PTPRD: variants seen among roughly 807,000 people sequenced by gnomAD.
PTPRD encodes the protein receptor-type tyrosine-protein phosphatase delta.
A neutral mutation model predicts 214.5 loss-of-function variants in PTPRD; 34 were observed. That is an observed-to-expected ratio of 0.16 (90% CI 0.12 to 0.21). The LOEUF (loss-of-function observed/expected upper bound fraction) is 0.21, where lower values mean the gene tolerates loss of function less well. Ranked by LOEUF, PTPRD falls within the 10% of genes least tolerant of loss-of-function variation. PTPRD has a pLI of 1.00. For synonymous variants in PTPRD, 1,128 were observed against 845.7 expected, an observed-to-expected ratio of 1.33 and a Z score of -5.79; for missense variants, 2,545 against 2,398.7, an observed-to-expected ratio of 1.06 and a Z score of -1.27.
chr9:9,155,387 T>G (rs545020579), intron 10 of PTPRD, among the ~76,000 whole-genome samples: 1 of 152,232 alleles, frequency 6.6e-6, no homozygotes, highest in South Asian at 2.1e-4. Context: ...TAAGAAATGC[T>G]TACACTTGAG....
At chr9:8,779,233 C>T (rs544071996) in intron 11 of PTPRD, among the ~76,000 whole-genome samples, 2 of 152,264 alleles carry the variant, frequency 1.3e-5, no homozygotes, top group African/African-American at 4.8e-5. Flanking sequence ...ATCTGTTAAG[C>T]AAAATACAAT....
intron 5 of PTPRD, among the ~76,000 whole-genome samples, chr9:9,844,395 G>C (rs2059016117): frequency 6.6e-6 from 1 of 151,946 alleles, no homozygotes; most frequent in Admixed American, 6.6e-5. Context: ...ACTTTAAAAA[G>C]TCAAACTCAA....
At chr9:10,080,364 C>T (rs1251268265) in intron 3 of PTPRD, among the ~76,000 whole-genome samples, 1 of 152,226 alleles carries the variant, frequency 6.6e-6, no homozygotes, top group South Asian at 2.1e-4. Context: ...GAAATGTTAA[C>T]ACTGTATGCA....
At chr9:8,352,143 C>T (rs983029951) in intron 39 of PTPRD, among the ~76,000 whole-genome samples, 3 of 150,058 alleles carry the variant, frequency 2.0e-5, no homozygotes, top group African/African-American at 7.4e-5. Context: ...TCTGCATGAT[C>T]TTGGCTTTGT....
chr9:9,762,777 T>A (rs1020366227), intron 6 of PTPRD, among the ~76,000 whole-genome samples: 1 of 152,210 alleles, frequency 6.6e-6, no homozygotes, highest in Non-Finnish European at 1.5e-5. Flanking sequence ...ACTTCCAGAT[T>A]TTTTAGGTAT....
intron 5 of PTPRD, among the ~76,000 whole-genome samples, chr9:9,865,299 C>T (rs896987615): frequency 5.3e-5 from 8 of 152,136 alleles, no homozygotes; most frequent in African/African-American, 1.7e-4. Flanking sequence ...TATTGAGAGG[C>T]GGAGGCTTTA....
intron 5 of PTPRD, among the ~76,000 whole-genome samples, chr9:9,770,207 T>C (rs183909321): frequency 6.6e-5 from 10 of 152,344 alleles, no homozygotes; most frequent in Non-Finnish European, 7.3e-5. Context: ...ATGGTTGAAC[T>C]AATTTACACT....
chr9:10,508,263 T>C (rs2046754408), intron 2 of PTPRD, among the ~76,000 whole-genome samples: 1 of 152,066 alleles, frequency 6.6e-6, no homozygotes, highest in African/African-American at 2.4e-5. Context: ...CTCACACCAG[T>C]TAGAATGGCG....
chr9:9,436,328 G>C (rs1189710061), intron 8 of PTPRD, among the ~76,000 whole-genome samples: 1 of 151,914 alleles, frequency 6.6e-6, no homozygotes, highest in African/African-American at 2.4e-5. Context: ...TATTCCCTGA[G>C]ACCCAAAATA....
intron 3 of PTPRD, among the ~76,000 whole-genome samples, chr9:10,320,603 G>C (rs1247140809): frequency 6.6e-6 from 1 of 151,960 alleles, no homozygotes; most frequent in African/African-American, 2.4e-5. Flanking sequence ...CCTGCAATAT[G>C]AGAGGTCTCA....
intron 3 of PTPRD, among the ~76,000 whole-genome samples, chr9:10,265,661 G>A (rs999041462): frequency 1.3e-5 from 2 of 152,162 alleles, no homozygotes; most frequent in African/African-American, 4.8e-5. Context: ...GAGCAAGGCT[G>A]TGTTCCAATA....
chr9:10,514,091 A>G (rs2049177816), intron 2 of PTPRD, among the ~76,000 whole-genome samples: 1 of 152,164 alleles, frequency 6.6e-6, no homozygotes, highest in Non-Finnish European at 1.5e-5. Flanking sequence ...TACATTTTAA[A>G]TCAATTATTC....
At chr9:9,938,892 T>A (rs2090497084) in intron 4 of PTPRD, among the ~76,000 whole-genome samples, 1 of 152,170 alleles carries the variant, frequency 6.6e-6, no homozygotes, top group South Asian at 2.1e-4. Flanking sequence ...TTGGTATAAG[T>A]AATTGATGCG....
chr9:9,747,549 T>G (rs1026124831), intron 6 of PTPRD, among the ~76,000 whole-genome samples: 6 of 151,474 alleles, frequency 4.0e-5, no homozygotes, highest in Non-Finnish European at 5.9e-5. Context: ...GTTTTTTTTT[T>G]TTTTTTTTCT....
intron 10 of PTPRD, among the ~76,000 whole-genome samples, chr9:9,098,797 C>G (rs1353219733): frequency 6.6e-6 from 1 of 152,070 alleles, no homozygotes; most frequent in East Asian, 1.9e-4. Flanking sequence ...GTATGTAATA[C>G]AAGGCAGAAA....
chr9:9,595,507 CAT>C (rs1301829976), intron 7 of PTPRD, among the ~76,000 whole-genome samples: 8 of 148,610 alleles, frequency 5.4e-5, no homozygotes, highest in African/African-American at 9.9e-5. Flanking sequence ...CACATGTACA[CAT>C]ATGCATACAT....
At chr9:8,722,446 C>T (rs1031788658) in intron 12 of PTPRD, among the ~76,000 whole-genome samples, 2 of 151,870 alleles carry the variant, frequency 1.3e-5, no homozygotes, top group Non-Finnish European at 2.9e-5. Flanking sequence ...CCTTACATTC[C>T]CATTGGTCTT....
At chr9:8,996,848 G>A (rs1225351251) in intron 11 of PTPRD, among the ~76,000 whole-genome samples, 4 of 151,894 alleles carry the variant, frequency 2.6e-5, no homozygotes, top group Non-Finnish European at 5.9e-5. Context: ...ATGAATTTTG[G>A]GGGATATAAC....
chr9:9,697,158 A>AT (rs1357287160), intron 7 of PTPRD, among the ~76,000 whole-genome samples: 1 of 151,972 alleles, frequency 6.6e-6, no homozygotes, highest in Admixed American at 6.6e-5. Flanking sequence ...TGTTGTAGCT[A>AT]TTTTTTTGAT....
Sources: gnomAD v4.1 joint callset for allele counts (sites outside exome capture counted in the v4.1 genomes callset) on GRCh38, gnomAD v4.1.1 for gene constraint, MANE v1.5 for transcripts, NCBI Gene and HGNC (gene_info 2026-07-23, HGNC 2026-07-21) for gene names.